The following CHMP7 variants were observed in gnomAD, a reference collection of about 807,000 sequenced individuals.
CHMP7 encodes charged multivesicular body protein 7.
In CHMP7, 15 loss-of-function variants were observed where a neutral mutation model predicts 53.7. That is an observed-to-expected ratio of 0.28 (90% CI 0.19 to 0.43). CHMP7 has a LOEUF of 0.43. Among genes scored for constraint, CHMP7 ranks in the 20% least tolerant of loss-of-function variants. CHMP7 has a pLI of 1.00. For synonymous variants in CHMP7, 261 were observed against 228.0 expected, an observed-to-expected ratio of 1.14 and a Z score of -1.30; for missense variants, 527 against 569.4, an observed-to-expected ratio of 0.93 and a Z score of 0.76.
chr8:23,258,600 G>C (rs937818240), intron 7 of CHMP7, 132 bp from the exon 8 acceptor site: 2 of 1,222,068 alleles, frequency 1.6e-6, no homozygotes, highest in Non-Finnish European at 2.4e-6. Flanking sequence ...GTTTGGCCTC[G>C]GTGGGTATAG....
At chr8:23,258,280 G>A (rs1235799731) in intron 6 of CHMP7, 50 bp from the exon 7 acceptor site, 1 of 1,612,302 alleles carries the variant, frequency 6.2e-7, no homozygotes, top group South Asian at 1.1e-5. Context: ...TCTTCCTCTT[G>A]CCCTTTGGCT....
Position 23,261,921 on chromosome 8 carries a change from A to G in CHMP7, c.*1322A>G, listed in dbSNP as rs1237019586. 6.6e-6 allele frequency: 1 copy of G among 152,606 alleles called. No individual in the cohort carries two copies. The highest frequency in any genetic ancestry group is 2.4e-5 in the African/African-American group (1 of 41,450). 9.5% of individuals were successfully genotyped at this position (152,606 alleles called of 1,614,324 possible). A position where few individuals can be genotyped will look rare whatever the true frequency, so the allele number is the denominator to read the frequency against. ...CTCCAACTCGACCTTGGTAAACGGA[A>G]ATGTTGGGGGTGAAGAGAAACAATC... On this transcript the variant is annotated 3_prime_UTR_variant, in exon 11 of 11. Coordinates refer to ENST00000397677, the MANE Select transcript of CHMP7 (RefSeq NM_152272.5).
chr8:23,247,857 G>GC (rs1801769101), intron 2 of CHMP7: 1 of 355,878 alleles, frequency 2.8e-6, no homozygotes, highest in East Asian at 7.4e-5. Flanking sequence ...GACCAGCCTA[G>GC]CGTGATACCT....
chr8:23,257,917 G>A (rs1802202941), intron 5 of CHMP7, 116 bp from the exon 6 acceptor site: 1 of 709,744 alleles, frequency 1.4e-6, no homozygotes, highest in African/African-American at 1.8e-5. Flanking sequence ...ACTGGGTATT[G>A]GGTTTAGTCT....
chr8:23,260,529 G>T lies in CHMP7; in HGVS notation c.1301-9G>T, dbSNP rs752088056. 6.2e-6 allele frequency: 10 copies of T among 1,613,690 alleles called. No individual in the cohort carries two copies. Among genetic ancestry groups the T allele is most frequent in the Non-Finnish European group, 1.7e-6 (2 of 1,179,598 alleles). ...TGTTATAGTGTTCAGTCATTTCTTTGCCTTGCAGGTTTGGTCCCAAGCAGT... is the reference window on the plus strand; with the variant it reads ...TGTTATAGTGTTCAGTCATTTCTTTTCCTTGCAGGTTTGGTCCCAAGCAGT... On this transcript the variant is annotated splice_polypyrimidine_tract_variant and intron_variant, in intron 10 of 10. Coordinates refer to ENST00000397677, the MANE Select transcript of CHMP7 (RefSeq NM_152272.5).
chr8:23,246,719 C>T lies in CHMP7; in HGVS notation c.24C>T (p.Ala8=), dbSNP rs571180587. 34 of 1,549,424 alleles carry T rather than the reference C, an allele frequency of 2.2e-5. No homozygotes were observed. The African/African-American group carries it at 3.6e-4, about 16-fold the overall frequency. Residue 8 remains alanine, a synonymous_variant, in exon 2 of 11, where the codon GCC becomes GCT. Coordinates refer to ENST00000397677, the MANE Select transcript of CHMP7 (RefSeq NM_152272.5). ...CGATGTGGTCCCCGGAGCGGGAGGC[C>T]GAGGCCCCAGCCGGGGGAGACCCGG... is the stretch of plus-strand genomic sequence containing the variant. MWSPERE[A]EAPAGGDPAG...
chr8:23,259,109 G>A lies in CHMP7; in HGVS notation c.1103G>A (p.Gly368Glu), dbSNP rs551599688. Reference sequence around the variant, plus strand: ...GAAGTTTCTCAGACTCTGGCTGGTGGGGTAACAAATGGCTTAGGTGAGTGG... The same window carrying A: ...GAAGTTTCTCAGACTCTGGCTGGTGAGGTAACAAATGGCTTAGGTGAGTGG... ...QDEVSQTLAG[G>E]VTNGLDFDSE... Residue 368 changes from glycine (G) to glutamate (E), a missense_variant, in exon 9 of 11, where the codon GGG becomes GAG. Transcript: ENST00000397677. 25 of 1,601,902 alleles carry A rather than the reference G, an allele frequency of 1.6e-5. No individual in the cohort carries two copies. In the Middle Eastern group the frequency reaches 5.0e-4, roughly 32 times the overall value.
rs764463142 is a variant in CHMP7 at position 23,261,669 on chromosome 8, C to T, written c.*1070C>T. 2.0e-5 allele frequency: 3 copies of T among 152,734 alleles called. No individual in the cohort carries two copies. The highest frequency in any genetic ancestry group is 4.4e-5 in the Non-Finnish European group (3 of 68,126). 9.5% of individuals were successfully genotyped at this position (152,734 alleles called of 1,614,324 possible). A position where few individuals can be genotyped will look rare whatever the true frequency, so the allele number is the denominator to read the frequency against. ...GCTTCCTGCAGTCCCCACTCCCTGC[C>T]TCCTTTGAGGGACTGGGGGACTTGG... On this transcript the variant is annotated 3_prime_UTR_variant, in exon 11 of 11. Coordinates refer to ENST00000397677, the MANE Select transcript of CHMP7 (RefSeq NM_152272.5).
chr8:23,246,640 C>A lies in CHMP7; in HGVS notation c.-56C>A. 1 of 1,446,322 alleles carries A rather than the reference C, an allele frequency of 6.9e-7. No individual in the cohort carries two copies. Among genetic ancestry groups the A allele is most frequent in the Non-Finnish European group, 9.3e-7 (1 of 1,071,776 alleles). 89.6% of individuals were successfully genotyped at this position (1,446,322 alleles called of 1,614,324 possible). ...AACGGAAGCCGGGAGGGAACGAGGG[C>A]GGAAGCGGACCAGGGCCAGGCTTGT... On this transcript the variant is annotated 5_prime_UTR_variant, in exon 2 of 11. Coordinates refer to ENST00000397677, the MANE Select transcript of CHMP7 (RefSeq NM_152272.5).
intron 3 of CHMP7, among the ~76,000 whole-genome samples, chr8:23,250,665 T>TG (rs71208602): frequency 1.5e-5 from 2 of 131,826 alleles, no homozygotes; most frequent in African/African-American, 5.6e-5. Context: ...TGTGTGTGTG[T>TG]TGACTGAGCA....
chr8:23,255,197 A>G, intron 3 of CHMP7, 50 bp from the exon 4 acceptor site: 1 of 1,597,024 alleles, frequency 6.3e-7, no homozygotes, highest in East Asian at 2.2e-5. Context: ...GGGTCCCTGC[A>G]TCCCATGGCA....
At chr8:23,244,619 G>A (rs1299790125) in intron 1 of CHMP7, among the ~76,000 whole-genome samples, 1 of 152,072 alleles carries the variant, frequency 6.6e-6, no homozygotes, top group Non-Finnish European at 1.5e-5. Flanking sequence ...TGGCTCTTCT[G>A]GGTCTTTTGC....
rs1183029706 is a variant in CHMP7, at chr8:23,260,271, C to G, written c.1248C>G (p.Ile416Met). 1.2e-6 allele frequency: 2 copies of G among 1,614,202 alleles called. No homozygotes were observed. Among genetic ancestry groups the G allele is most frequent in the South Asian group, 2.2e-5 (2 of 91,084 alleles). The change falls in exon 10 of 11, where the codon ATC (isoleucine) becomes ATG (methionine). Residue 416 changes from isoleucine to methionine, a missense_variant. Coordinates refer to ENST00000397677, the MANE Select transcript of CHMP7 (RefSeq NM_152272.5). ...CCAACAGCGTGCCTAACCCTAGGATCTCAGATGCTGAACTTGAAGCTGAAC... is the reference window on the plus strand; with the variant it reads ...CCAACAGCGTGCCTAACCCTAGGATGTCAGATGCTGAACTTGAAGCTGAAC... Reference protein sequence around the residue: ...HFTNSVPNPRISDAELEAELE... With the variant: ...HFTNSVPNPRMSDAELEAELE...
intron 5 of CHMP7, among the ~76,000 whole-genome samples, chr8:23,257,320 T>A (rs994351166): frequency 2.0e-5 from 3 of 151,884 alleles, no homozygotes; most frequent in African/African-American, 7.3e-5. Flanking sequence ...GGTCTCACAC[T>A]CCTCGGCGCA....
chr8:23,248,272 C>G (rs1801789655), intron 2 of CHMP7: 2 of 448,254 alleles, frequency 4.5e-6, no homozygotes, highest in Non-Finnish European at 9.1e-6. Context: ...CCAATTCAGA[C>G]ACTTTAATAC....
At chr8:23,248,040 G>T (rs1345175289) in intron 2 of CHMP7, 1 of 455,800 alleles carries the variant, frequency 2.2e-6, no homozygotes, top group East Asian at 7.0e-5. Context: ...TCGAACTCCT[G>T]CACTCAAGCG....
rs113024402 is a variant in CHMP7 at position 23,246,711 on chromosome 8, C to T, written c.16C>T (p.Arg6Trp). The change falls in exon 2 of 11, where the codon CGG becomes TGG. Residue 6 changes from arginine to tryptophan, a missense_variant. By Grantham distance (101) the Arg-to-Trp change is moderately radical (BLOSUM62 -3). Transcript: ENST00000397677. MWSPE[R>W]EAEAPAGGDP... Reference sequence around the variant, plus strand: ...TGGGGTTCCGATGTGGTCCCCGGAGCGGGAGGCCGAGGCCCCAGCCGGGGG... The same window carrying T: ...TGGGGTTCCGATGTGGTCCCCGGAGTGGGAGGCCGAGGCCCCAGCCGGGGG... The T allele has an allele frequency of 2.6e-6, 4 of 1,548,744 alleles. No individual in the cohort carries two copies. Among genetic ancestry groups the T allele is most frequent in the Non-Finnish European group, 2.6e-6 (3 of 1,146,644 alleles).
chr8:23,251,149 C>T (rs1563404697), intron 3 of CHMP7, among the ~76,000 whole-genome samples: 1 of 152,110 alleles, frequency 6.6e-6, no homozygotes, highest in Non-Finnish European at 1.5e-5. Flanking sequence ...AGAGGTAAAC[C>T]CATGGATCCC....
chr8:23,250,620 C>CTGTGTGTGTGTGTGTGTG (rs59970101), intron 3 of CHMP7, among the ~76,000 whole-genome samples: 4 of 143,298 alleles, frequency 2.8e-5, no homozygotes, highest in African/African-American at 1.1e-4. Flanking sequence ...TGATAGGGGC[C>CTGTGTGTGTGTGTGTGTG]TGTGTGTGTG....
Sources: allele counts gnomAD v4.1 joint callset (sites outside exome capture counted in the v4.1 genomes callset), GRCh38; gene constraint gnomAD v4.1.1; transcripts MANE v1.5; gene names NCBI Gene and HGNC (gene_info 2026-07-23, HGNC 2026-07-21).